The following MAP1S variants were observed in gnomAD, a reference collection of about 807,000 sequenced individuals.
The protein encoded by MAP1S is microtubule-associated protein 1S.
Under a neutral mutation model 60.9 loss-of-function variants are expected in MAP1S, and 27 were observed. The ratio of observed to expected loss-of-function variants is 0.44; its 90% CI spans 0.33 to 0.61. The LOEUF (loss-of-function observed/expected upper bound fraction) is 0.61, where lower values mean the gene tolerates loss of function less well. Ranked by LOEUF, MAP1S falls within the 20% of genes least tolerant of loss-of-function variation. The probability of loss-of-function intolerance (pLI) is 0.03; values close to 1 mark genes in which losing one functional copy is unlikely to be tolerated. For missense variants in MAP1S, 1,608 were observed against 1,486.6 expected, an observed-to-expected ratio of 1.08 and a Z score of -1.34; for synonymous variants, 826 against 694.2, an observed-to-expected ratio of 1.19 and a Z score of -2.98.
At chr19:17,723,407 G>A (rs1255718698) in intron 2 of MAP1S, among the ~76,000 whole-genome samples, 1 of 151,972 alleles carries the variant, frequency 6.6e-6, no homozygotes, top group East Asian at 1.9e-4. Flanking sequence ...AATTAATGGG[G>A]CGTGGTGGCG....
chr19:17,725,473 C>T lies in MAP1S; in HGVS notation c.444+284C>T, dbSNP rs1303157569. Among the ~76,000 whole-genome samples the T allele has an allele frequency of 6.6e-6, 1 of 152,168 alleles. No homozygotes were observed. Among genetic ancestry groups the T allele is most frequent in the Non-Finnish European group, 1.5e-5 (1 of 68,028 alleles). On this transcript the variant is annotated intron_variant, in intron 4 of 6. Transcript: ENST00000324096. This position sits in a 1 kb window ranked among gnomAD's most constrained non-coding sequence, Gnocchi z 4.2. ...TGGTGCCCGCAGTCTGGGTAGGACA[C>T]ATGGGCAAAATGGCAAACCTCACTT...
At position 17,727,544 on chromosome 19, in the gene MAP1S, G is replaced by T. The variant is rs763150203; in HGVS notation, c.2160G>T (p.Pro720=). The T allele has an allele frequency of 2.5e-6, 4 of 1,608,892 alleles. No individual in the cohort carries two copies. The highest frequency in any genetic ancestry group is 2.5e-6 in the Non-Finnish European group (3 of 1,179,370). The change falls in exon 5 of 7, where the codon CCG becomes CCT. Residue 720 remains proline, a synonymous_variant. Transcript: ENST00000324096. The surrounding 1 kb of genome is among the most constrained non-coding windows in gnomAD (Gnocchi z 4.1). ...APTSEAGLSL[P]LRGPRARRSA... is the part of the protein sequence containing the mutation. ...CCAGTGAGGCTGGGCTGAGCCTCCC[G>T]CTGCGTGGCCCCCGGGCGCGGCGCT...
intron 3 of MAP1S, 158 bp from the exon 4 acceptor site, chr19:17,724,891 A>G (rs1322330670): frequency 1.2e-6 from 1 of 828,554 alleles, no homozygotes; most frequent in Non-Finnish European, 2.0e-6. Context: ...CCAGCAGGAG[A>G]CCTGGAGACT....
At position 17,728,145 on chromosome 19, in the gene MAP1S, C is replaced by A. The variant is rs748863006; in HGVS notation, c.2761C>A (p.Pro921Thr). 1.9e-6 allele frequency: 3 copies of A among 1,600,322 alleles called. No individual in the cohort carries two copies. Among genetic ancestry groups the A allele is most frequent in the Non-Finnish European group, 2.6e-6 (3 of 1,171,356 alleles). ...ACCCCTGTCCAGAAAGTCCTCAACC[C>A]CCAAGACTGCCACTCGAGGCCCGTC... is the stretch of plus-strand genomic sequence containing the variant. ...RAPLSRKSSTPKTATRGPSGS... is the reference protein window; with the variant it reads ...RAPLSRKSSTTKTATRGPSGS... The change falls in exon 5 of 7, where the codon CCC becomes ACC. Residue 921 changes from proline to threonine, a missense_variant. Pro to Thr is a conservative substitution (Grantham distance 38). This residue lies in a region of MAP1S where 1,167 missense variants were observed against 961.4 expected (regional missense o/e 1.21). Coordinates refer to ENST00000324096, the MANE Select transcript of MAP1S (RefSeq NM_018174.6).
Position 17,719,579 on chromosome 19 carries a change from G to A in MAP1S, c.77G>A (p.Ser26Asn). The A allele has an allele frequency of 8.0e-7, 1 of 1,245,800 alleles. No individual in the cohort carries two copies. The highest frequency in any genetic ancestry group is 1.0e-6 in the Non-Finnish European group (1 of 987,392). 77.2% of individuals were successfully genotyped at this position (1,245,800 alleles called of 1,614,324 possible). A position where few individuals can be genotyped will look rare whatever the true frequency, so the allele number is the denominator to read the frequency against. The change falls in exon 1 of 7, where the codon AGC becomes AAC. Residue 26 changes from serine to asparagine, a missense_variant. Ser to Asn is a conservative substitution (Grantham distance 46). This residue lies in a region of MAP1S where 320 missense variants were observed against 393.1 expected (regional missense o/e 0.81). Coordinates refer to ENST00000324096, the MANE Select transcript of MAP1S (RefSeq NM_018174.6). ...CTCGTGGTGGGCAGCGAGTTCGGGAGCCCGGGGCTCCTCACCTACGTCCTG... is the reference window on the plus strand; with the variant it reads ...CTCGTGGTGGGCAGCGAGTTCGGGAACCCGGGGCTCCTCACCTACGTCCTG... ...LLLVVGSEFG[S>N]PGLLTYVLEE...
In MAP1S at chr19:17,726,412, A is replaced by G; in HGVS notation, c.1028A>G (p.Glu343Gly). The change falls in exon 5 of 7, where the codon GAG becomes GGG. Residue 343 changes from glutamate to glycine, a missense_variant. Physicochemically the swap from Glu to Gly is moderately conservative, Grantham distance 98 (BLOSUM62 -2). This residue lies in a region of MAP1S where 1,167 missense variants were observed against 961.4 expected (regional missense o/e 1.21). Transcript: ENST00000324096. Reference protein sequence around the residue: ...NLGVVFFNACEAASRLARGED... With the variant: ...NLGVVFFNACGAASRLARGED... Reference sequence around the variant, plus strand: ...GGGGTCGTGTTCTTCAACGCCTGCGAGGCCGCGTCGCGGCTGGCGCGCGGC... The same window carrying G: ...GGGGTCGTGTTCTTCAACGCCTGCGGGGCCGCGTCGCGGCTGGCGCGCGGC... 6.3e-7 allele frequency: 1 copy of G among 1,574,898 alleles called. No individual in the cohort carries two copies. Among genetic ancestry groups the G allele is most frequent in the Non-Finnish European group, 8.6e-7 (1 of 1,167,680 alleles).
rs149570606 is a variant in MAP1S, at chr19:17,723,200, G to A, written c.221-926G>A. Among the ~76,000 whole-genome samples the A allele has an allele frequency of 2.9e-3, 442 of 152,216 alleles. 1 individual carries two copies. The highest frequency in any genetic ancestry group is 5.6e-3 in the Non-Finnish European group (379 of 68,008). On this transcript the variant is annotated intron_variant, in intron 2 of 6. Transcript: ENST00000324096. Reference sequence around the variant, plus strand: ...GGACCTTTGCTCCGGATGTACCCTCGTCCACGTTCGCCCTCATTGGCCCTC... The same window carrying A: ...GGACCTTTGCTCCGGATGTACCCTCATCCACGTTCGCCCTCATTGGCCCTC...
In MAP1S at chr19:17,725,683, T is replaced by C. The variant is rs2080410533; in HGVS notation, c.445-146T>C. On this transcript the variant is annotated intron_variant, in intron 4 of 6. Transcript: ENST00000324096. The surrounding 1 kb of genome is among the most constrained non-coding windows in gnomAD (Gnocchi z 4.2). The stretch of plus-strand genomic sequence containing the variant: ...GGTGAGGCCAGATCAAAGAGCCTTG[T>C]GGCGCTGGAGAGGGTTGGGTTTTGG... 1 of 734,336 alleles carries C rather than the reference T, an allele frequency of 1.4e-6. No homozygotes were observed. The highest frequency in any genetic ancestry group is 1.8e-5 in the African/African-American group (1 of 56,428). 45.5% of individuals were successfully genotyped at this position (734,336 alleles called of 1,614,324 possible).
intron 2 of MAP1S, 39 bp from the exon 3 acceptor site, chr19:17,724,087 G>T (rs1305745382): frequency 3.2e-6 from 5 of 1,545,458 alleles, no homozygotes; most frequent in Non-Finnish European, 4.5e-6. Flanking sequence ...CACACGGGGA[G>T]GCAGGATTTG....
intron 6 of MAP1S, 65 bp downstream of exon 6, chr19:17,733,493 G>C (rs946671817): frequency 7.7e-7 from 1 of 1,299,036 alleles, no homozygotes; most frequent in African/African-American, 1.5e-5. Flanking sequence ...AACCACCCTC[G>C]ACCCTCAGAG....
intron 3 of MAP1S, among the ~76,000 whole-genome samples, chr19:17,724,808 G>A (rs2080402473): frequency 6.6e-6 from 1 of 152,180 alleles, no homozygotes; most frequent in African/African-American, 2.4e-5. Context: ...GGCAAGTAGT[G>A]CCTTCAGGAG....
At chr19:17,729,155 A>G (rs943848229) in intron 5 of MAP1S, among the ~76,000 whole-genome samples, 1 of 152,214 alleles carries the variant, frequency 6.6e-6, no homozygotes, top group African/African-American at 2.4e-5. Flanking sequence ...GTGAAGTCCA[A>G]AGGAAACCAG....
At chr19:17,733,647 A>G (rs1413078019) in intron 6 of MAP1S, among the ~76,000 whole-genome samples, 1 of 152,204 alleles carries the variant, frequency 6.6e-6, no homozygotes, top group Non-Finnish European at 1.5e-5. Flanking sequence ...GGGAGGACGC[A>G]GGGCCTCGTG....
chr19:17,720,030 G>C (rs895616962), intron 1 of MAP1S: 1 of 786,194 alleles, frequency 1.3e-6, no homozygotes, highest in South Asian at 4.0e-5. Context: ...CTCCCGGAGG[G>C]AGAAGCAGAT....
At chr19:17,724,285 T>A in intron 3 of MAP1S, 77 bp downstream of exon 3, 1 of 1,188,662 alleles carries the variant, frequency 8.4e-7, no homozygotes, top group Non-Finnish European at 1.2e-6. Context: ...CTCGTGTCCT[T>A]GTCTTCATGC....
chr19:17,727,321 G>A lies in MAP1S; in HGVS notation c.1937G>A (p.Ser646Asn). The A allele has an allele frequency of 1.3e-6, 2 of 1,591,538 alleles. No individual in the cohort carries two copies. Among genetic ancestry groups the A allele is most frequent in the Non-Finnish European group, 1.7e-6 (2 of 1,173,542 alleles). ...ACACCCTCCCCTGAGTCCCACCGGA[G>A]CCCCGCAGAGGGCAGCGAGCGGCTG... is the stretch of plus-strand genomic sequence containing the variant. The part of the protein sequence containing the change: ...PRTPSPESHR[S>N]PAEGSERLSL... The change falls in exon 5 of 7, where the codon AGC (serine) becomes AAC (asparagine). Residue 646 changes from serine (S) to asparagine (N), a missense_variant. Ser to Asn is a conservative substitution (Grantham distance 46, BLOSUM62 1). Coordinates refer to ENST00000324096, the MANE Select transcript of MAP1S (RefSeq NM_018174.6). The surrounding 1 kb of genome is among the most constrained non-coding windows in gnomAD (Gnocchi z 4.1).
intron 3 of MAP1S, 51 bp downstream of exon 3, chr19:17,724,259 T>TTC (rs1417301398): frequency 8.3e-6 from 12 of 1,441,234 alleles, no homozygotes; most frequent in Non-Finnish European, 1.1e-5. Flanking sequence ...GACCCGTGCC[T>TTC]TCTCTGTCTT....
rs369657030 is a variant in MAP1S, at chr19:17,727,033, A to G, written c.1649A>G (p.Asn550Ser). 1.2e-5 allele frequency: 20 copies of G among 1,604,286 alleles called. No homozygotes were observed. In the African/African-American group the frequency reaches 2.3e-4, roughly 18 times the overall value. Residue 550 changes from asparagine (N) to serine (S), a missense_variant, in exon 5 of 7, where the codon AAC (asparagine) becomes AGC (serine). Around this residue, in one of 4 missense-constraint regions of MAP1S, gnomAD observed 1,167 missense variants for 961.4 expected, o/e 1.21. Coordinates refer to ENST00000324096, the MANE Select transcript of MAP1S (RefSeq NM_018174.6). The surrounding 1 kb of genome is among the most constrained non-coding windows in gnomAD (Gnocchi z 4.1). ...EVRRAASSVP[N>S]LKKTNAQAAP... ...CGCCGGGCAGCCTCTTCTGTGCCCA[A>G]CCTCAAGAAGACGAATGCCCAGGCG...
At position 17,727,563 on chromosome 19, in the gene MAP1S, C is replaced by A. The variant is rs746496738; in HGVS notation, c.2179C>A (p.Arg727=). The change falls in exon 5 of 7, where the codon CGG becomes AGG. Residue 727 remains arginine, a synonymous_variant. Coordinates refer to ENST00000324096, the MANE Select transcript of MAP1S (RefSeq NM_018174.6). This position sits in a 1 kb window ranked among gnomAD's most constrained non-coding sequence, Gnocchi z 4.1. ...CCTCCCGCTGCGTGGCCCCCGGGCG[C>A]GGCGCTCGGCTTCCCCACACGATGT... ...LSLPLRGPRA[R]RSASPHDVDL... 6.2e-7 allele frequency: 1 copy of A among 1,607,332 alleles called. No homozygotes were observed. The highest frequency in any genetic ancestry group is 1.1e-5 in the South Asian group (1 of 90,970).
Sources: gnomAD v4.1 joint callset for allele counts (sites outside exome capture counted in the v4.1 genomes callset) on GRCh38, gnomAD v4.1.1 for gene constraint, gnomAD v4.1.1 regional missense constraint, Gnocchi (gnomAD v3.1) non-coding constraint, MANE v1.5 for transcripts, NCBI Gene and HGNC (gene_info 2026-07-23, HGNC 2026-07-21) for gene names.